PDS5A: variants seen among roughly 807,000 people sequenced by gnomAD.
The protein encoded by PDS5A is sister chromatid cohesion protein PDS5 homolog A.
A neutral mutation model predicts 167.1 loss-of-function variants in PDS5A; 42 were observed. The observed-to-expected ratio is 0.25, with a 90% CI of 0.20 to 0.33. The LOEUF (loss-of-function observed/expected upper bound fraction) is 0.33. PDS5A is among the 10% of genes least tolerant of loss of function. The probability of loss-of-function intolerance (pLI) is 1.00; values close to 1 mark genes in which losing one functional copy is unlikely to be tolerated. For synonymous variants in PDS5A, 553 were observed against 554.6 expected (o/e 1.00, Z 0.04); for missense variants, 1,033 against 1,605.9 (o/e 0.64, Z 6.10).
At chr4:39,901,851 T>C (rs969668814) in intron 13 of PDS5A, among the ~76,000 whole-genome samples, 3 of 151,984 alleles carry the variant, frequency 2.0e-5, no homozygotes, top group African/African-American at 7.2e-5. Context: ...AAAAAAAAAA[T>C]CTATTAAAGT....
At position 39,954,704 on chromosome 4, in the gene PDS5A, CAG is replaced by C. The variant is rs1417917768; in HGVS notation, c.138+21734_138+21735del. ...AAAAAAAAAAAAAAAAAAACAGAAA[CAG>C]AGGTGGACCAAACGCTAAAGCTATC... On this transcript the variant is annotated intron_variant, in intron 2 of 32. Transcript: ENST00000303538. Among the ~76,000 whole-genome samples, 10 of 102,144 alleles carry C rather than the reference CAG, an allele frequency of 9.8e-5. 1 individual carries two copies. The highest frequency in any genetic ancestry group is 6.1e-4 in the South Asian group (2 of 3,274). The allele number at this position is 102,144 out of a possible 152,430, so 67.0% of individuals were successfully genotyped here. A position where few individuals can be genotyped will look rare whatever the true frequency, so the allele number is the denominator to read the frequency against.
chr4:39,862,836 A>G (rs1719113661), intron 25 of PDS5A, 33 bp downstream of exon 25: 1 of 1,371,212 alleles, frequency 7.3e-7, no homozygotes, highest in South Asian at 1.2e-5. Context: ...TTGACAAAAT[A>G]TATTTGCACA....
intron 2 of PDS5A, among the ~76,000 whole-genome samples, chr4:39,944,960 C>G (rs12649851): frequency 0.034 from 5,174 of 152,120 alleles, 212 homozygotes; most frequent in East Asian, 0.23. Context: ...ATTCTTAAAG[C>G]CTATTTGTTT....
chr4:39,939,799 AAAAAAC>A (rs1727053559), intron 2 of PDS5A, among the ~76,000 whole-genome samples: 1 of 152,138 alleles, frequency 6.6e-6, no homozygotes, highest in Admixed American at 6.6e-5. Context: ...TTCGTTTCCA[AAAAAAC>A]AAAAACAAAC....
Position 39,879,802 on chromosome 4 carries a change from C to G in PDS5A, c.1918G>C (p.Glu640Gln). ...TCCTCTTCATCATCTGCTGTCCCCT[C>G]TATTGACTTATTCATCAATTTCACT... ...ALVKLMNKSI[E>Q]GTADDEEEGV... is the part of the protein sequence containing the mutation. Residue 640 changes from glutamate to glutamine, a missense_variant, in exon 18 of 33, where the codon GAG (glutamate) becomes CAG (glutamine). By Grantham distance (29) the Glu-to-Gln change is conservative. Transcript: ENST00000303538. The G allele has an allele frequency of 6.2e-7, 1 of 1,610,802 alleles. No individual in the cohort carries two copies. Among genetic ancestry groups the G allele is most frequent in the South Asian group, 1.1e-5 (1 of 91,020 alleles).
chr4:39,956,418 A>G (rs534692544), intron 2 of PDS5A, among the ~76,000 whole-genome samples: 1 of 149,006 alleles, frequency 6.7e-6, no homozygotes, highest in South Asian at 2.2e-4. Flanking sequence ...GCTTGAACCC[A>G]GGAGGCAGAA....
intron 2 of PDS5A, among the ~76,000 whole-genome samples, chr4:39,931,182 C>G (rs1726023896): frequency 1.3e-5 from 2 of 152,060 alleles, no homozygotes; most frequent in Non-Finnish European, 2.9e-5. Flanking sequence ...CTCCACCTCC[C>G]AGGCTCAAGA....
In PDS5A at chr4:39,971,159, TTTTG is replaced by T. The variant is rs540450867; in HGVS notation, c.138+5277_138+5280del. On this transcript the variant is annotated intron_variant, in intron 2 of 32. Transcript: ENST00000303538. ...TGCCTTTAAGATGTTTTTTGTTTTG[TTTTG>T]TTTGTTTGTTTTCGAGACAGAGTCG... 2.8e-4 allele frequency among the ~76,000 whole-genome samples: 42 copies of T among 149,798 alleles called. No homozygotes were observed. The South Asian group carries it at 3.1e-3, about 11-fold the overall frequency.
At chr4:39,849,460 A>AT in intron 27 of PDS5A, 60 bp downstream of exon 27, 2 of 1,069,802 alleles carry the variant, frequency 1.9e-6, no homozygotes, top group Non-Finnish European at 2.7e-6. Context: ...AAAAAAACCA[A>AT]GTGGGACAAT....
chr4:39,963,918 T>TC (rs879342364), intron 2 of PDS5A, among the ~76,000 whole-genome samples: 66 of 151,904 alleles, frequency 4.3e-4, no homozygotes, highest in Admixed American at 6.6e-4. Flanking sequence ...TAGCTTTTTT[T>TC]TCCCCCCCAG....
At chr4:39,962,604 G>A (rs1212159813) in intron 2 of PDS5A, among the ~76,000 whole-genome samples, 3 of 151,790 alleles carry the variant, frequency 2.0e-5, no homozygotes, top group Non-Finnish European at 4.4e-5. Flanking sequence ...AGGAGGTTGA[G>A]ACCATCCTGG....
chr4:39,885,155 C>T (rs1266026863), intron 17 of PDS5A, among the ~76,000 whole-genome samples: 1 of 147,854 alleles, frequency 6.8e-6, no homozygotes, highest in Non-Finnish European at 1.5e-5. Context: ...TACAGCTACT[C>T]GGGAGGCCGA....
chr4:39,842,818 A>G (rs1392323163), intron 30 of PDS5A, among the ~76,000 whole-genome samples: 5 of 150,360 alleles, frequency 3.3e-5, no homozygotes, highest in Admixed American at 6.6e-5. Flanking sequence ...CTTATGCAGT[A>G]GCTAATATAC....
At position 39,920,285 on chromosome 4, in the gene PDS5A, A is replaced by G. The variant is rs761013008; in HGVS notation, c.735+34T>C. 3.2e-6 allele frequency: 3 copies of G among 924,704 alleles called. No homozygotes were observed. The South Asian group carries it at 4.8e-5, about 15-fold the overall frequency. 57.3% of individuals were successfully genotyped at this position (924,704 alleles called of 1,614,324 possible). Reference sequence around the variant, plus strand: ...ATTAATACAATGGATTAAGAATTACAAAATATAGAATAAACATAGAAAGAA... The same window carrying G: ...ATTAATACAATGGATTAAGAATTACGAAATATAGAATAAACATAGAAAGAA... On this transcript the variant is annotated intron_variant, in intron 7 of 32. Coordinates refer to ENST00000303538, the MANE Select transcript of PDS5A (RefSeq NM_001100399.2).
rs1381931256 is a variant in PDS5A at position 39,949,711 on chromosome 4, G to A, written c.139-21547C>T. ...TAGCTTGGCATGGTGGCGCACACCC[G>A]GCTACGCAGGAGGCTGGGGTGGCAC... On this transcript the variant is annotated intron_variant, in intron 2 of 32. Transcript: ENST00000303538. Among the ~76,000 whole-genome samples the A allele has an allele frequency of 3.3e-5, 5 of 150,594 alleles. No individual in the cohort carries two copies. In the Admixed American group the frequency reaches 3.3e-4, roughly 10 times the overall value.
intron 2 of PDS5A, among the ~76,000 whole-genome samples, chr4:39,939,732 G>A (rs1727045466): frequency 6.6e-6 from 1 of 152,136 alleles, no homozygotes; most frequent in African/African-American, 2.4e-5. Context: ...AGGAGGCGGA[G>A]GCTGCAGTGA....
chr4:39,856,996 T>G (rs183893315), intron 26 of PDS5A, among the ~76,000 whole-genome samples: 76 of 152,208 alleles, frequency 5.0e-4, no homozygotes, highest in African/African-American at 1.8e-3. Flanking sequence ...GAAACAAATT[T>G]GCTACTATTC....
In PDS5A at chr4:39,933,567, C is replaced by A. The variant is rs541736778; in HGVS notation, c.139-5403G>T. ...CACTAGAACCGCTGATGCAGACTTCCCAGATTGTTATTAAATTAAAATAAA... is the reference window on the plus strand; with the variant it reads ...CACTAGAACCGCTGATGCAGACTTCACAGATTGTTATTAAATTAAAATAAA... On this transcript the variant is annotated intron_variant, in intron 2 of 32. Transcript: ENST00000303538. 3 of 151,940 alleles carry A rather than the reference C, an allele frequency of 2.0e-5. No homozygotes were observed. In the South Asian group the frequency reaches 6.2e-4, roughly 32 times the overall value. 9.4% of individuals were successfully genotyped at this position (151,940 alleles called of 1,614,324 possible).
At chr4:39,928,738 T>A (rs1274378220) in intron 2 of PDS5A, among the ~76,000 whole-genome samples, 1 of 150,362 alleles carries the variant, frequency 6.7e-6, no homozygotes, top group East Asian at 2.0e-4. Flanking sequence ...GATAGGAGGG[T>A]CCCTTGAGCC....
Sources: allele counts gnomAD v4.1 joint callset (sites outside exome capture counted in the v4.1 genomes callset), GRCh38; gene constraint gnomAD v4.1.1; transcripts MANE v1.5; gene names NCBI Gene and HGNC (gene_info 2026-07-23, HGNC 2026-07-21).